NUMB: variants seen among roughly 807,000 people sequenced by gnomAD.
The protein encoded by NUMB is NUMB endocytic adaptor protein.
Under a neutral mutation model 59.7 loss-of-function variants are expected in NUMB, and 29 were observed. That is an observed-to-expected ratio of 0.49 (90% CI 0.36 to 0.66). The LOEUF is 0.66. Ranked by LOEUF, NUMB falls within the 30% of genes least tolerant of loss-of-function variation. The pLI is 0.00. For synonymous variants in NUMB, 288 were observed against 288.2 expected (o/e 1.00, Z 0.01); for missense variants, 723 against 822.0 (o/e 0.88, Z 1.47).
intron 10 of NUMB, among the ~76,000 whole-genome samples, chr14:73,282,810 G>A (rs1888721243): frequency 6.6e-6 from 1 of 152,036 alleles, no homozygotes; most frequent in African/African-American, 2.4e-5. Flanking sequence ...TGTCCTTTTT[G>A]TGCCAAGATG....
In NUMB at chr14:73,277,122, G is replaced by A. The variant is rs762368447; in HGVS notation, c.1412C>T (p.Pro471Leu). Reference protein sequence around the residue: ...APLQPVLQPPPPTAISQPASP... With the variant: ...APLQPVLQPPLPTAISQPASP... ...TGCTGGCTGGGAGATGGCAGTGGGT[G>A]GAGGAGGCTGGAGAACTGGCTGCAG... The change falls in exon 13 of 13, where the codon CCA (proline) becomes CTA (leucine). Residue 471 changes from proline to leucine, a missense_variant. Pro to Leu is a moderately conservative substitution (Grantham distance 98). Transcript: ENST00000555238. The A allele has an allele frequency of 8.1e-6, 13 of 1,613,872 alleles. No homozygotes were observed. In the South Asian group the frequency reaches 9.9e-5, roughly 12 times the overall value.
chr14:73,338,109 A>AC (rs988532234), intron 4 of NUMB, among the ~76,000 whole-genome samples: 68 of 151,396 alleles, frequency 4.5e-4, no homozygotes, highest in Admixed American at 2.3e-3. Context: ...ACATAGTGAG[A>AC]CCCCCCCACC....
chr14:73,382,577 T>G (rs1286907393), intron 2 of NUMB, among the ~76,000 whole-genome samples: 3 of 152,086 alleles, frequency 2.0e-5, no homozygotes, highest in Non-Finnish European at 4.4e-5. Flanking sequence ...ACAATACTCT[T>G]GAAGTGGAAA....
At chr14:73,357,159 T>C (rs1002822098) in intron 3 of NUMB, 15 of 242,206 alleles carry the variant, frequency 6.2e-5, no homozygotes, top group Non-Finnish European at 9.3e-5. Context: ...TCCCAGCACT[T>C]TGGGAGGCCG....
At chr14:73,362,733 G>A (rs972438616) in intron 3 of NUMB, among the ~76,000 whole-genome samples, 1 of 152,106 alleles carries the variant, frequency 6.6e-6, no homozygotes, top group African/African-American at 2.4e-5. Flanking sequence ...ACTGCACCTG[G>A]CCTATCACTC....
chr14:73,279,177 G>T, intron 12 of NUMB, 104 bp downstream of exon 12: 2 of 1,312,962 alleles, frequency 1.5e-6, no homozygotes, highest in Non-Finnish European at 2.2e-6. Context: ...TAGTTTTCCT[G>T]AAAGGATTCC....
chr14:73,373,465 C>T (rs1018717934), intron 2 of NUMB, among the ~76,000 whole-genome samples: 1 of 152,144 alleles, frequency 6.6e-6, no homozygotes, highest in African/African-American at 2.4e-5. Context: ...CTATGCTTGC[C>T]AGGCACTGTT....
At chr14:73,309,734 A>C (rs1468150365) in intron 6 of NUMB, among the ~76,000 whole-genome samples, 1 of 144,122 alleles carries the variant, frequency 6.9e-6, no homozygotes, top group Admixed American at 6.8e-5. Context: ...AATAATAATA[A>C]TAATAATAAT....
chr14:73,367,346 T>TAGAGAGAGAGAG (rs1288750867), intron 2 of NUMB, among the ~76,000 whole-genome samples: 915 of 91,156 alleles, frequency 0.01, 6 homozygotes, highest in Admixed American at 0.029. Flanking sequence ...TATATATATA[T>TAGAGAGAGAGAG]ATAGAGAGAG....
In NUMB at chr14:73,367,348, T is replaced by TATATATATAG. The variant is rs1555375287; in HGVS notation, c.-100-368_-100-367insCTATATATAT. Among the ~76,000 whole-genome samples the TATATATATAG allele has an allele frequency of 2.9e-3, 301 of 105,244 alleles. 2 individuals carry two copies. The highest frequency in any genetic ancestry group is 9.7e-3 in the Middle Eastern group (2 of 206). The allele number at this position is 105,244 out of a possible 152,430, so 69.0% of individuals were successfully genotyped here. A position where few individuals can be genotyped will look rare whatever the true frequency, so the allele number is the denominator to read the frequency against. On this transcript the variant is annotated intron_variant, in intron 2 of 12. Coordinates refer to ENST00000555238, the MANE Select transcript of NUMB (RefSeq NM_001005743.2). ...ATATATACATATATATATATATATA[T>TATATATATAG]AGAGAGAGAGAGAGAGAGAGAGAGA...
chr14:73,339,768 T>C (rs1434902746), intron 4 of NUMB, among the ~76,000 whole-genome samples: 1 of 150,410 alleles, frequency 6.6e-6, no homozygotes, highest in East Asian at 1.9e-4. Context: ...ACAACCCCTA[T>C]CGTTTTTTGT....
At chr14:73,322,434 T>C (rs1332343397) in intron 5 of NUMB, among the ~76,000 whole-genome samples, 1 of 152,190 alleles carries the variant, frequency 6.6e-6, no homozygotes, top group Non-Finnish European at 1.5e-5. Flanking sequence ...CTAAAGTTTA[T>C]GTAAAAGGCA....
chr14:73,400,149 A>G (rs1329476154), intron 2 of NUMB, among the ~76,000 whole-genome samples: 1 of 152,242 alleles, frequency 6.6e-6, no homozygotes, highest in Non-Finnish European at 1.5e-5. Context: ...AATGCACACT[A>G]CTAAGTGAAA....
chr14:73,372,328 T>TATATAA (rs1258521008), intron 2 of NUMB, among the ~76,000 whole-genome samples: 1 of 108,822 alleles, frequency 9.2e-6, no homozygotes, highest in Non-Finnish European at 1.8e-5. Flanking sequence ...TATATATATA[T>TATATAA]ATATATATAA....
intron 11 of NUMB, among the ~76,000 whole-genome samples, chr14:73,279,686 G>A (rs922575180): frequency 1.3e-5 from 2 of 152,196 alleles, no homozygotes; most frequent in African/African-American, 2.4e-5. Flanking sequence ...GGGGAGTGGG[G>A]AAATGAAACC....
At chr14:73,406,502 C>T (rs546004363) in intron 2 of NUMB, among the ~76,000 whole-genome samples, 1 of 152,124 alleles carries the variant, frequency 6.6e-6, no homozygotes, top group East Asian at 1.9e-4. Flanking sequence ...CATTGATGGA[C>T]ATTTGGGTTG....
At chr14:73,368,932 A>C (rs1200127637) in intron 2 of NUMB, among the ~76,000 whole-genome samples, 1 of 152,192 alleles carries the variant, frequency 6.6e-6, no homozygotes, top group East Asian at 1.9e-4. Flanking sequence ...AAAACAACTT[A>C]AACTAAAAAG....
At chr14:73,399,558 T>C (rs1896307864) in intron 2 of NUMB, among the ~76,000 whole-genome samples, 1 of 150,148 alleles carries the variant, frequency 6.7e-6, no homozygotes, top group East Asian at 2.0e-4. Context: ...AGAGAAACTA[T>C]GTCTCAAAAA....
intron 2 of NUMB, among the ~76,000 whole-genome samples, chr14:73,375,198 T>C (rs1894891650): frequency 6.6e-6 from 1 of 152,216 alleles, no homozygotes; most frequent in Admixed American, 6.5e-5. Context: ...CTAAATCATA[T>C]CAGTCAAGTC....
Sources: allele counts gnomAD v4.1 joint callset (sites outside exome capture counted in the v4.1 genomes callset), GRCh38; gene constraint gnomAD v4.1.1; transcripts MANE v1.5; gene names NCBI Gene and HGNC (gene_info 2026-07-23, HGNC 2026-07-21).